The following AKAP7 variants were observed in gnomAD, a reference collection of about 807,000 sequenced individuals.
AKAP7 encodes A kinase (PRKA) anchor protein 7.
AKAP7 carries 39 observed loss-of-function variants against 39.5 expected under a neutral mutation model. The observed-to-expected ratio is 0.99, with a 90% CI of 0.76 to 1.29. AKAP7 has a LOEUF of 1.29. Among genes scored for constraint, AKAP7 ranks in the 50% most tolerant of loss-of-function variants. AKAP7 has a pLI of 0.00. For missense variants in AKAP7, 414 were observed against 407.7 expected, an observed-to-expected ratio of 1.02 and a Z score of -0.13; for synonymous variants, 140 against 139.1, an observed-to-expected ratio of 1.01 and a Z score of -0.05.
chr6:131,247,326 CTTTT>C (rs539406845), intron 7 of AKAP7, among the ~76,000 whole-genome samples: 6 of 58,164 alleles, frequency 1.0e-4, no homozygotes, highest in African/African-American at 3.9e-4. Context: ...TTTTTTTTTT[CTTTT>C]TTTTTTTTTT....
At chr6:131,204,454 G>A (rs943069291) in intron 6 of AKAP7, among the ~76,000 whole-genome samples, 18 of 152,048 alleles carry the variant, frequency 1.2e-4, no homozygotes, top group African/African-American at 3.9e-4. Context: ...GTATAAAATG[G>A]TTTCCTTGGG....
At chr6:131,142,023 T>C (rs1801086794) in intron 1 of AKAP7, among the ~76,000 whole-genome samples, 2 of 149,232 alleles carry the variant, frequency 1.3e-5, no homozygotes, top group Non-Finnish European at 3.0e-5. Context: ...TGACCTACAA[T>C]CAGATATGGA....
the AKAP7 span, among the ~76,000 whole-genome samples, chr6:131,128,723 G>A: frequency 1.2e-4 from 18 of 151,286 alleles, no homozygotes; most frequent in Non-Finnish European, 5.9e-5. Flanking sequence ...TCAGGAAGCT[G>A]AGGCAGGAGA....
intron 2 of AKAP7, among the ~76,000 whole-genome samples, chr6:131,151,361 T>G (rs547235900): frequency 1.5e-4 from 22 of 149,498 alleles, no homozygotes; most frequent in Admixed American, 4.7e-4. Context: ...TCATAGAAAC[T>G]TAAAGAGGGA....
chr6:131,203,218 A>G (rs144081063), intron 6 of AKAP7, among the ~76,000 whole-genome samples: 95 of 152,302 alleles, frequency 6.2e-4, no homozygotes, highest in African/African-American at 2.2e-3. Context: ...TATGTAGATT[A>G]TTTGAAAATA....
intron 1 of AKAP7, among the ~76,000 whole-genome samples, chr6:131,143,435 G>A (rs566613028): frequency 2.0e-5 from 3 of 152,128 alleles, no homozygotes; most frequent in African/African-American, 4.8e-5. Flanking sequence ...TTTTCTTGAC[G>A]TGTGACATGT....
intron 5 of AKAP7, among the ~76,000 whole-genome samples, chr6:131,192,343 C>G (rs1806496731): frequency 6.6e-6 from 1 of 152,136 alleles, no homozygotes; most frequent in Non-Finnish European, 1.5e-5. Context: ...ATTGAAAAAG[C>G]TGTCTTTTCT....
At chr6:131,184,380 C>A in intron 5 of AKAP7, 1 of 662,876 alleles carries the variant, frequency 1.5e-6, no homozygotes. Flanking sequence ...CAGGTCCAGA[C>A]ACAGGTGGCA....
intron 3 of AKAP7, among the ~76,000 whole-genome samples, chr6:131,161,684 A>AAAAAAAAAG (rs1802978701): frequency 7.6e-6 from 1 of 132,044 alleles, no homozygotes; most frequent in Non-Finnish European, 1.6e-5. Flanking sequence ...AAAAAAAAAA[A>AAAAAAAAAG]TTAAAGGTCC....
At chr6:131,277,484 G>A (rs1460227081) in intron 7 of AKAP7, among the ~76,000 whole-genome samples, 1 of 152,216 alleles carries the variant, frequency 6.6e-6, no homozygotes, top group Non-Finnish European at 1.5e-5. Context: ...GCGCCAGCAT[G>A]TTGAACTGCC....
chr6:131,253,257 T>A (rs1812585530), intron 7 of AKAP7: 13 of 754,988 alleles, frequency 1.7e-5, no homozygotes, highest in Non-Finnish European at 2.7e-5. Flanking sequence ...TTTTTTTAAA[T>A]CAACTAGTTG....
chr6:131,166,386 G>A (rs1165040708), intron 4 of AKAP7, among the ~76,000 whole-genome samples: 1 of 152,172 alleles, frequency 6.6e-6, no homozygotes, highest in Non-Finnish European at 1.5e-5. Flanking sequence ...AGAATGGTCA[G>A]GATTCTCCAG....
intron 4 of AKAP7, among the ~76,000 whole-genome samples, chr6:131,165,734 T>C (rs529183955): frequency 1.4e-4 from 21 of 152,290 alleles, no homozygotes; most frequent in Admixed American, 1.4e-3. Context: ...CACTGTACTC[T>C]ACCTACCCCC....
chr6:131,136,805 T>C (rs928376824), intron 1 of AKAP7: 6 of 947,006 alleles, frequency 6.3e-6, no homozygotes. Flanking sequence ...GTCAAGTAAC[T>C]TGTTGATTTC....
In AKAP7 at chr6:131,169,440, A is replaced by C. The variant is rs148010250; in HGVS notation, c.589+167A>C. ...AGTCTGAAGGATTTCAGTGCTTATC[A>C]TAACATTTGACATACAGTTGGCACT... On this transcript the variant is annotated intron_variant, in intron 5 of 7. Transcript: ENST00000431975. Among the ~76,000 whole-genome samples the C allele has an allele frequency of 5.9e-3, 901 of 152,368 alleles. 14 individuals carry two copies. The highest frequency in any genetic ancestry group is 0.02 in the African/African-American group (813 of 41,584).
intron 7 of AKAP7, among the ~76,000 whole-genome samples, chr6:131,234,820 T>C (rs1320937164): frequency 6.6e-6 from 1 of 151,970 alleles, no homozygotes; most frequent in Non-Finnish European, 1.5e-5. Flanking sequence ...TAGGCAACTC[T>C]GTAAAGTTTT....
intron 7 of AKAP7, among the ~76,000 whole-genome samples, chr6:131,231,486 A>T (rs573501059): frequency 6.6e-6 from 1 of 152,158 alleles, no homozygotes. Flanking sequence ...AAAACAGTTT[A>T]TTATCTGAGA....
intron 7 of AKAP7, among the ~76,000 whole-genome samples, chr6:131,235,650 T>G (rs1414381533): frequency 6.6e-6 from 1 of 152,242 alleles, no homozygotes; most frequent in Non-Finnish European, 1.5e-5. Flanking sequence ...TGCATTTCTC[T>G]GATGGCCAGT....
At chr6:131,260,135 T>C (rs1040293105) in intron 7 of AKAP7, among the ~76,000 whole-genome samples, 7 of 152,176 alleles carry the variant, frequency 4.6e-5, no homozygotes, top group African/African-American at 1.7e-4. Context: ...GACATGATCT[T>C]GTTCCTTTTT....
Sources: gnomAD v4.1 joint callset for allele counts (sites outside exome capture counted in the v4.1 genomes callset) on GRCh38, gnomAD v4.1.1 for gene constraint, MANE v1.5 for transcripts, NCBI Gene and HGNC (gene_info 2026-07-23, HGNC 2026-07-21) for gene names.